Variants in IL15 observed in about 807,000 individuals in gnomAD.
IL15 encodes interleukin 15.
A neutral mutation model predicts 19.6 loss-of-function variants in IL15; 11 were observed. The observed-to-expected ratio is 0.56, with a 90% CI of 0.35 to 0.93. The LOEUF (loss-of-function observed/expected upper bound fraction) is 0.93. IL15 is among the 40% of genes least tolerant of loss of function. The pLI is 0.01. For missense variants in IL15, 197 were observed against 186.5 expected (o/e 1.06, Z -0.33); for synonymous variants, 58 against 59.6 (o/e 0.97, Z 0.12).
intron 6 of IL15, 89 bp from the exon 7 acceptor site, chr4:141,729,758 T>C: frequency 1.4e-6 from 1 of 726,358 alleles, no homozygotes. Context: ...ATAAAATATT[T>C]GGATTGACTT....
At chr4:141,703,201 C>A (rs1408132649) in intron 2 of IL15, among the ~76,000 whole-genome samples, 2 of 152,212 alleles carry the variant, frequency 1.3e-5, no homozygotes, top group East Asian at 1.9e-4. Context: ...GCAAGCATGA[C>A]TTTTGGGTCA....
chr4:141,652,174 T>C (rs1380957821), intron 1 of IL15, among the ~76,000 whole-genome samples: 2 of 152,182 alleles, frequency 1.3e-5, no homozygotes, highest in East Asian at 1.9e-4. Context: ...ATAATAATAG[T>C]TTTGATAACA....
intron 2 of IL15, among the ~76,000 whole-genome samples, chr4:141,694,540 A>G (rs1386064966): frequency 6.6e-6 from 1 of 152,178 alleles, no homozygotes; most frequent in Non-Finnish European, 1.5e-5. Context: ...GAGGTGGTAC[A>G]TGCTTATATT....
chr4:141,642,819 C>G (rs1175898915), intron 1 of IL15, among the ~76,000 whole-genome samples: 2 of 152,190 alleles, frequency 1.3e-5, no homozygotes, highest in Non-Finnish European at 2.9e-5. Flanking sequence ...CTTATAACAG[C>G]TTTAATGTCT....
At chr4:141,668,534 G>A (rs1728066174) in intron 2 of IL15, among the ~76,000 whole-genome samples, 1 of 152,178 alleles carries the variant, frequency 6.6e-6, no homozygotes, top group Admixed American at 6.5e-5. Flanking sequence ...CCTTCATGTT[G>A]GTATCTGTCA....
chr4:141,685,952 C>G (rs1220053014), intron 2 of IL15, among the ~76,000 whole-genome samples: 5 of 152,116 alleles, frequency 3.3e-5, no homozygotes, highest in Admixed American at 2.0e-4. Context: ...CAGGAACTCT[C>G]TTAAACCTGT....
chr4:141,656,690 C>A (rs554858989), intron 2 of IL15, among the ~76,000 whole-genome samples: 62 of 152,188 alleles, frequency 4.1e-4, no homozygotes, highest in South Asian at 1.2e-3. Flanking sequence ...GCCTCTGGGT[C>A]ATAGTTTGAT....
intron 2 of IL15, among the ~76,000 whole-genome samples, chr4:141,658,316 A>T (rs1209519854): frequency 6.6e-6 from 1 of 152,094 alleles, no homozygotes; most frequent in African/African-American, 2.4e-5. Flanking sequence ...AGTCAATTAA[A>T]CATTTTTTTC....
intron 2 of IL15, among the ~76,000 whole-genome samples, chr4:141,664,405 A>C (rs1727900481): frequency 6.6e-6 from 1 of 151,362 alleles, no homozygotes; most frequent in African/African-American, 2.4e-5. Flanking sequence ...CCAACAACAA[A>C]AAAACCCTCT....
intron 2 of IL15, among the ~76,000 whole-genome samples, chr4:141,679,355 T>TCAA (rs978386252): frequency 3.9e-5 from 6 of 152,240 alleles, no homozygotes; most frequent in Admixed American, 1.3e-4. Flanking sequence ...TCTCTGGATC[T>TCAA]CATAAAGACA....
At chr4:141,722,528 A>T (rs925960131) in intron 5 of IL15, among the ~76,000 whole-genome samples, 2 of 152,210 alleles carry the variant, frequency 1.3e-5, no homozygotes, top group African/African-American at 4.8e-5. Flanking sequence ...TAGAACTTGC[A>T]TGCTAAATCC....
intron 2 of IL15, among the ~76,000 whole-genome samples, chr4:141,676,051 C>T (rs138127389): frequency 1.3e-3 from 196 of 152,220 alleles, no homozygotes; most frequent in African/African-American, 4.2e-3. Context: ...AAAATAGAAG[C>T]CAGCACCAGG....
At chr4:141,658,181 C>A (rs1578995057) in intron 2 of IL15, among the ~76,000 whole-genome samples, 1 of 152,240 alleles carries the variant, frequency 6.6e-6, no homozygotes, top group Middle Eastern at 3.4e-3. Flanking sequence ...GTAGCACCTC[C>A]CCCTGCTCTC....
chr4:141,687,251 A>G (rs1728740720), intron 2 of IL15, among the ~76,000 whole-genome samples: 1 of 152,158 alleles, frequency 6.6e-6, no homozygotes, highest in Non-Finnish European at 1.5e-5. Context: ...GTGAGAGATG[A>G]GGGGAGGAAG....
intron 2 of IL15, among the ~76,000 whole-genome samples, chr4:141,666,590 T>C (rs112356933): frequency 0.026 from 3,989 of 152,166 alleles, 172 homozygotes; most frequent in African/African-American, 0.09. Flanking sequence ...GCTATCTATC[T>C]ATCTCAGCCT....
chr4:141,663,682 A>G (rs1727868535), intron 2 of IL15, among the ~76,000 whole-genome samples: 1 of 152,140 alleles, frequency 6.6e-6, no homozygotes, highest in South Asian at 2.1e-4. Context: ...ATCTGGAATG[A>G]AGTCTTAATT....
chr4:141,709,841 A>T (rs1215270021), intron 2 of IL15, among the ~76,000 whole-genome samples: 1 of 151,844 alleles, frequency 6.6e-6, no homozygotes, highest in Non-Finnish European at 1.5e-5. Context: ...TGTGTTGCTG[A>T]GGTTTGGTGT....
intron 2 of IL15, among the ~76,000 whole-genome samples, chr4:141,685,198 AC>A (rs770578268): frequency 6.6e-6 from 1 of 151,608 alleles, no homozygotes; most frequent in Admixed American, 6.6e-5. Context: ...AGGTCCTAGG[AC>A]CCCCCTAGAG....
In IL15 at chr4:141,658,558, C is replaced by T. The variant is rs536381128; in HGVS notation, c.-100+2251C>T. Among the ~76,000 whole-genome samples the T allele has an allele frequency of 3.3e-5, 5 of 151,952 alleles. No homozygotes were observed. The South Asian group carries it at 1.0e-3, about 32-fold the overall frequency. On this transcript the variant is annotated intron_variant, in intron 2 of 7. Transcript: ENST00000320650. ...TTCTTACTGGTAAAGTGAATATATACATTTCATTTTCACTTTCAGTTATAA... is the reference window on the plus strand; with the variant it reads ...TTCTTACTGGTAAAGTGAATATATATATTTCATTTTCACTTTCAGTTATAA...
Sources: allele counts gnomAD v4.1 joint callset (sites outside exome capture counted in the v4.1 genomes callset), GRCh38; gene constraint gnomAD v4.1.1; transcripts MANE v1.5; gene names NCBI Gene and HGNC (gene_info 2026-07-23, HGNC 2026-07-21).